XKR4: variants seen among roughly 807,000 people sequenced by gnomAD.
XKR4 encodes the protein XK related 4.
XKR4 carries 12 observed loss-of-function variants against 53.9 expected under a neutral mutation model. That is an observed-to-expected ratio of 0.22 (90% CI 0.14 to 0.36). The LOEUF (loss-of-function observed/expected upper bound fraction) is 0.36, where lower values mean the gene tolerates loss of function less well. XKR4 is among the 10% of genes least tolerant of loss of function. The pLI is 1.00. For missense variants in XKR4, 799 were observed against 859.5 expected (o/e 0.93, Z 0.88); for synonymous variants, 354 against 362.4 (o/e 0.98, Z 0.26).
chr8:55,464,008 C>T (rs368179889), intron 2 of XKR4, among the ~76,000 whole-genome samples: 25 of 152,046 alleles, frequency 1.6e-4, no homozygotes, highest in Non-Finnish European at 3.1e-4. Flanking sequence ...AAAAAAAGTC[C>T]AGGACCAGAT....
At chr8:55,408,498 A>G (rs1406916917) in intron 2 of XKR4, among the ~76,000 whole-genome samples, 1 of 152,228 alleles carries the variant, frequency 6.6e-6, no homozygotes, top group African/African-American at 2.4e-5. Context: ...TAGGTGTGGG[A>G]CAGCCCCCCA....
At chr8:55,256,883 A>T (rs951405965) in intron 1 of XKR4, among the ~76,000 whole-genome samples, 1 of 152,196 alleles carries the variant, frequency 6.6e-6, no homozygotes, top group African/African-American at 2.4e-5. Context: ...TAAATAACAG[A>T]AATATATTGC....
At chr8:55,409,263 G>C (rs1165448874) in intron 2 of XKR4, among the ~76,000 whole-genome samples, 1 of 152,224 alleles carries the variant, frequency 6.6e-6, no homozygotes, top group Non-Finnish European at 1.5e-5. Context: ...CTCTACACTA[G>C]AGTTTCTTAA....
chr8:55,477,239 G>A (rs919920602), intron 2 of XKR4, among the ~76,000 whole-genome samples: 5 of 152,080 alleles, frequency 3.3e-5, no homozygotes, highest in African/African-American at 9.7e-5. Flanking sequence ...ACCAAGATCC[G>A]CTGTCCTACA....
intron 2 of XKR4, chr8:55,451,702 G>A: frequency 7.4e-7 from 1 of 1,353,242 alleles, no homozygotes; most frequent in Non-Finnish European, 1.0e-6. Flanking sequence ...GCGGTAGATG[G>A]CATGCATGCG....
At chr8:55,129,963 T>A (rs1038619845) in intron 1 of XKR4, among the ~76,000 whole-genome samples, 1 of 152,124 alleles carries the variant, frequency 6.6e-6, no homozygotes, top group African/African-American at 2.4e-5. Flanking sequence ...ATCTGGTCAC[T>A]TCCATTATCT....
At chr8:55,385,944 G>T (rs997131804) in intron 2 of XKR4, among the ~76,000 whole-genome samples, 8 of 151,890 alleles carry the variant, frequency 5.3e-5, no homozygotes, top group Non-Finnish European at 1.2e-4. Context: ...TTTTTTTTCT[G>T]TTAATTGCTT....
At chr8:55,451,780 C>T (rs1805451849) in intron 2 of XKR4, 1 of 1,043,222 alleles carries the variant, frequency 9.6e-7, no homozygotes, top group Non-Finnish European at 1.5e-6. Flanking sequence ...GGGGCCCAGG[C>T]CAAGGCACTG....
intron 2 of XKR4, chr8:55,452,118 G>T: frequency 1.4e-6 from 1 of 691,712 alleles, no homozygotes; most frequent in Non-Finnish European, 2.6e-6. Flanking sequence ...GAAGGAGAAG[G>T]TGGCCCTGAC....
chr8:55,277,182 G>T (rs1467125797), intron 1 of XKR4, among the ~76,000 whole-genome samples: 5 of 152,164 alleles, frequency 3.3e-5, no homozygotes, highest in Admixed American at 3.3e-4. Flanking sequence ...CTATGGACAT[G>T]AGACCCTGTT....
chr8:55,338,359 T>C (rs545766936), intron 1 of XKR4, among the ~76,000 whole-genome samples: 2 of 152,148 alleles, frequency 1.3e-5, no homozygotes, highest in South Asian at 4.1e-4. Context: ...GTGCATGTGC[T>C]GTATTTTGGG....
intron 1 of XKR4, among the ~76,000 whole-genome samples, chr8:55,157,480 A>G (rs961594426): frequency 4.6e-5 from 7 of 152,124 alleles, no homozygotes; most frequent in Non-Finnish European, 8.8e-5. Context: ...TAATACCTCT[A>G]AACGTTTTTG....
At chr8:55,379,242 A>T (rs1461691162) in intron 2 of XKR4, among the ~76,000 whole-genome samples, 1 of 152,098 alleles carries the variant, frequency 6.6e-6, no homozygotes, top group Non-Finnish European at 1.5e-5. Context: ...AACATAATGC[A>T]CTCAAGAGGC....
chr8:55,443,834 C>T (rs183578937), intron 2 of XKR4, among the ~76,000 whole-genome samples: 3 of 115,360 alleles, frequency 2.6e-5, no homozygotes, highest in African/African-American at 7.0e-5. Flanking sequence ...AGTAAAACTC[C>T]GTCTCAAAAA....
At chr8:55,297,773 T>G (rs1445376045) in intron 1 of XKR4, among the ~76,000 whole-genome samples, 1 of 152,234 alleles carries the variant, frequency 6.6e-6, no homozygotes, top group Non-Finnish European at 1.5e-5. Context: ...TACTCCCAGA[T>G]CCTATCAACT....
intron 2 of XKR4, among the ~76,000 whole-genome samples, chr8:55,383,461 T>C (rs1382535957): frequency 6.6e-6 from 1 of 152,220 alleles, no homozygotes; most frequent in Non-Finnish European, 1.5e-5. Flanking sequence ...CAGCTGAGTA[T>C]ACGGGGAACC....
chr8:55,135,901 T>G (rs12171672), intron 1 of XKR4, among the ~76,000 whole-genome samples: 7,091 of 116,474 alleles, frequency 0.061, 395 homozygotes, highest in African/African-American at 0.16. Flanking sequence ...TTTTTTTTTT[T>G]TTTGTTTTTT....
At chr8:55,334,688 A>G (rs183673561) in intron 1 of XKR4, among the ~76,000 whole-genome samples, 7 of 152,292 alleles carry the variant, frequency 4.6e-5, no homozygotes, top group Non-Finnish European at 1.5e-5. Flanking sequence ...AAAGCAACTG[A>G]TGACCTGATG....
At chr8:55,422,989 A>C (rs116354059) in intron 2 of XKR4, among the ~76,000 whole-genome samples, 1 of 152,322 alleles carries the variant, frequency 6.6e-6, no homozygotes, top group East Asian at 1.9e-4. Flanking sequence ...TAGAAATGAC[A>C]TTAAGTCTAA....
Sources: allele counts gnomAD v4.1 joint callset (sites outside exome capture counted in the v4.1 genomes callset), GRCh38; gene constraint gnomAD v4.1.1; transcripts MANE v1.5; gene names NCBI Gene and HGNC (gene_info 2026-07-23, HGNC 2026-07-21).